Variants in GDAP1L1 observed in about 807,000 individuals in gnomAD.
GDAP1L1 encodes the protein ganglioside induced differentiation associated protein 1 like 1, also known as ganglioside-induced differentiation-associated protein 1-like 1.
A neutral mutation model predicts 37.1 loss-of-function variants in GDAP1L1; 21 were observed. That is an observed-to-expected ratio of 0.57 (90% CI 0.40 to 0.81). The LOEUF is 0.81. Among genes scored for constraint, GDAP1L1 ranks in the 40% least tolerant of loss-of-function variants. GDAP1L1 has a pLI of 0.00. For synonymous variants in GDAP1L1, 193 were observed against 209.1 expected, an observed-to-expected ratio of 0.92 and a Z score of 0.67; for missense variants, 362 against 491.6, an observed-to-expected ratio of 0.74 and a Z score of 2.49.
intron 5 of GDAP1L1, among the ~76,000 whole-genome samples, chr20:44,277,183 C>A (rs1042668168): frequency 6.6e-6 from 1 of 152,130 alleles, no homozygotes; most frequent in African/African-American, 2.4e-5. Context: ...CGCCACCATG[C>A]CTGGCTAATT....
At chr20:44,250,443 A>G (rs773302284) in intron 1 of GDAP1L1, among the ~76,000 whole-genome samples, 6 of 152,224 alleles carry the variant, frequency 3.9e-5, no homozygotes, top group Non-Finnish European at 8.8e-5. Context: ...TGGCACATAG[A>G]AAGTGCTCAG....
intron 5 of GDAP1L1, among the ~76,000 whole-genome samples, chr20:44,269,153 T>A (rs1224664465): frequency 6.6e-6 from 1 of 152,136 alleles, no homozygotes; most frequent in East Asian, 1.9e-4. Context: ...TTCTAAAAAT[T>A]ATTATTATCA....
At chr20:44,247,258 G>A (rs895115145), upstream of GDAP1L1, 2 of 1,453,218 alleles carry the variant, frequency 1.4e-6, no homozygotes, top group Non-Finnish European at 9.6e-7. Flanking sequence ...CAGGCTCGGC[G>A]AGGCCATGTG....
intron 1 of GDAP1L1, among the ~76,000 whole-genome samples, chr20:44,249,512 C>A (rs2073398694): frequency 6.6e-6 from 1 of 152,216 alleles, no homozygotes; most frequent in Non-Finnish European, 1.5e-5. Flanking sequence ...AACTTCCTCC[C>A]CGCTAGAACC....
At chr20:44,255,571 A>AAG (rs2073524583) in intron 1 of GDAP1L1, among the ~76,000 whole-genome samples, 4 of 141,972 alleles carry the variant, frequency 2.8e-5, no homozygotes, top group Non-Finnish European at 6.1e-5. Flanking sequence ...AAAAAAAAAA[A>AAG]GTAAAGCTAC....
At chr20:44,263,365 G>A (rs1029155336) in intron 4 of GDAP1L1, 38 bp downstream of exon 4, 16 of 1,340,880 alleles carry the variant, frequency 1.2e-5, no homozygotes, top group Admixed American at 1.7e-5. Flanking sequence ...CCTTCCCTAC[G>A]AGCTCTTCCA....
intron 3 of GDAP1L1, among the ~76,000 whole-genome samples, chr20:44,262,415 C>A (rs1278343950): frequency 6.6e-6 from 1 of 151,888 alleles, no homozygotes; most frequent in Non-Finnish European, 1.5e-5. Context: ...TCTGGCTGGG[C>A]TTTGTGTTGG....
chr20:44,275,424 C>G (rs957179082), intron 5 of GDAP1L1, among the ~76,000 whole-genome samples: 2 of 152,076 alleles, frequency 1.3e-5, no homozygotes, highest in Non-Finnish European at 2.9e-5. Context: ...GTAGGGAGCA[C>G]TGGACTCATG....
intron 4 of GDAP1L1, among the ~76,000 whole-genome samples, chr20:44,263,920 GA>G (rs2073717576): frequency 1.3e-5 from 2 of 152,042 alleles, no homozygotes; most frequent in African/African-American, 2.4e-5. Context: ...CTTGGGAAAG[GA>G]GGTATTGAAG....
At position 44,247,400 on chromosome 20, in the gene GDAP1L1, C is replaced by A. The variant is rs747050378; in HGVS notation, c.66C>A (p.Ser22Arg). The change falls in exon 1 of 6, where the codon AGC becomes AGA. Residue 22 changes from serine to arginine, a missense_variant. Transcript: ENST00000342560. ...GGTGGCCCATCTCCGCGCTGGAGAG[C>A]GATGCGGCCAAGCCAGCGGAGGCCC... ...CSWWPISALE[S>R]DAAKPAEAPD... The A allele has an allele frequency of 3.7e-6, 6 of 1,612,744 alleles. No homozygotes were observed. Among genetic ancestry groups the A allele is most frequent in the Admixed American group, 1.7e-5 (1 of 59,972 alleles).
At chr20:44,258,808 T>G (rs1241929409) in intron 3 of GDAP1L1, among the ~76,000 whole-genome samples, 4 of 151,980 alleles carry the variant, frequency 2.6e-5, no homozygotes, top group Non-Finnish European at 5.9e-5. Context: ...TCTCTCTCTC[T>G]CTCTTGCTCT....
chr20:44,277,475 C>T lies in GDAP1L1; in HGVS notation c.761-1482C>T, dbSNP rs553741611. 5.3e-5 allele frequency among the ~76,000 whole-genome samples: 8 copies of T among 152,200 alleles called. 1 individual carries two copies. The East Asian group carries it at 1.4e-3, about 26-fold the overall frequency. On this transcript the variant is annotated intron_variant, in intron 5 of 5. Coordinates refer to ENST00000342560, the MANE Select transcript of GDAP1L1 (RefSeq NM_024034.6). ...ATGTGGCTGGAGAAGAGTGAGGAAG[C>T]GGGAGAGAAGCAGACTCTGAGGTCT...
chr20:44,278,546 A>G (rs1489497841), intron 5 of GDAP1L1, among the ~76,000 whole-genome samples: 1 of 151,956 alleles, frequency 6.6e-6, no homozygotes, highest in Non-Finnish European at 1.5e-5. Flanking sequence ...ACACCCAGCT[A>G]ATTTTTATAT....
chr20:44,251,467 G>A (rs2073441501), intron 1 of GDAP1L1, among the ~76,000 whole-genome samples: 3 of 152,332 alleles, frequency 2.0e-5, no homozygotes, highest in South Asian at 4.1e-4. Context: ...CCCAGGCATG[G>A]CAGGAGAGAA....
chr20:44,248,651 A>G (rs1162867676), intron 1 of GDAP1L1, among the ~76,000 whole-genome samples: 2 of 152,218 alleles, frequency 1.3e-5, no homozygotes, highest in Non-Finnish European at 2.9e-5. Context: ...TTAGGAACTT[A>G]GTGTTATAGA....
rs771428365 is a variant in GDAP1L1, at chr20:44,247,541, G to A, written c.180+27G>A. The A allele has an allele frequency of 2.7e-6, 4 of 1,469,424 alleles. No homozygotes were observed. The East Asian group carries it at 1.0e-4, about 38-fold the overall frequency. 91.0% of individuals were successfully genotyped at this position (1,469,424 alleles called of 1,614,324 possible). Reference sequence around the variant, plus strand: ...TAGAGCCGGGCCGGGAGCCGCCTGCGCCGGTGGCCAGGAAGCTTGGGGAGG... The same window carrying A: ...TAGAGCCGGGCCGGGAGCCGCCTGCACCGGTGGCCAGGAAGCTTGGGGAGG... On this transcript the variant is annotated intron_variant, in intron 1 of 5. Transcript: ENST00000342560.
intron 2 of GDAP1L1, among the ~76,000 whole-genome samples, chr20:44,257,602 A>G (rs1319728065): frequency 6.6e-6 from 1 of 151,998 alleles, no homozygotes; most frequent in African/African-American, 2.4e-5. Context: ...CATGACCCAG[A>G]CACCCCCCCA....
At chr20:44,253,929 C>T (rs769760467) in intron 1 of GDAP1L1, among the ~76,000 whole-genome samples, 2 of 152,206 alleles carry the variant, frequency 1.3e-5, no homozygotes, top group African/African-American at 4.8e-5. Flanking sequence ...AGCATGGGAG[C>T]GGCCCCTGGA....
At chr20:44,254,622 T>C (rs929984831) in intron 1 of GDAP1L1, among the ~76,000 whole-genome samples, 15 of 152,226 alleles carry the variant, frequency 9.9e-5, no homozygotes, top group Non-Finnish European at 1.5e-5. Flanking sequence ...GGGGCAGTGA[T>C]AGCTCTAAGG....
Sources: allele counts gnomAD v4.1 joint callset (sites outside exome capture counted in the v4.1 genomes callset), GRCh38; gene constraint gnomAD v4.1.1; transcripts MANE v1.5; gene names NCBI Gene and HGNC (gene_info 2026-07-23, HGNC 2026-07-21).